COL6A2: variants seen among roughly 807,000 people sequenced by gnomAD.
The protein encoded by COL6A2 is collagen alpha-2(VI) chain.
In COL6A2, 90 loss-of-function variants were observed where a neutral mutation model predicts 124.9. The observed-to-expected ratio is 0.72, with a 90% CI of 0.61 to 0.86. COL6A2 has a LOEUF of 0.86. COL6A2 is among the 40% of genes least tolerant of loss of function. COL6A2 has a pLI of 0.00. For synonymous variants in COL6A2, 793 were observed against 618.2 expected (o/e 1.28, Z -4.19); for missense variants, 1,607 against 1,502.5 (o/e 1.07, Z -1.15).
Position 46,132,678 on chromosome 21 carries a change from C to A in COL6A2, c.*126C>A. Reference sequence around the variant, plus strand: ...ACGACGCCCTGGGCCTGCACCTCTCCAGCTCCTCCCACGGGGTCCCCGTAG... The same window carrying A: ...ACGACGCCCTGGGCCTGCACCTCTCAAGCTCCTCCCACGGGGTCCCCGTAG... On this transcript the variant is annotated 3_prime_UTR_variant, in exon 28 of 28. Coordinates refer to ENST00000300527, the MANE Select transcript of COL6A2 (RefSeq NM_001849.4). The A allele has an allele frequency of 1.0e-6, 1 of 988,324 alleles. No homozygotes were observed. Among genetic ancestry groups the A allele is most frequent in the Non-Finnish European group, 1.5e-6 (1 of 657,200 alleles). 61.2% of individuals were successfully genotyped at this position (988,324 alleles called of 1,614,324 possible). A position where few individuals can be genotyped will look rare whatever the true frequency, so the allele number is the denominator to read the frequency against.
chr21:46,122,213 G>A, intron 19 of COL6A2, 55 bp downstream of exon 19: 3 of 1,589,354 alleles, frequency 1.9e-6, no homozygotes, highest in Non-Finnish European at 2.6e-6. Context: ...TTGTCCCAAG[G>A]GCCCTGAAGA....
At position 46,132,070 on chromosome 21, in the gene COL6A2, G is replaced by A. The variant is rs1601267281; in HGVS notation, c.2578G>A (p.Ala860Thr). 1 of 1,604,418 alleles carries A rather than the reference G, an allele frequency of 6.2e-7. No homozygotes were observed. ...HKARRFVEQV[A>T]RRLTLARRDD... ...GGCCCGGCGCTTCGTGGAGCAGGTG[G>A]CGCGGCGGCTGACGCTGGCCCGGAG... Residue 860 changes from alanine to threonine, a missense_variant, in exon 28 of 28, where the codon GCG becomes ACG. Ala to Thr is a moderately conservative substitution (Grantham distance 58). Coordinates refer to ENST00000300527, the MANE Select transcript of COL6A2 (RefSeq NM_001849.4).
chr21:46,118,690 C>T lies in COL6A2; in HGVS notation c.1179+14C>T. On this transcript the variant is annotated intron_variant, in intron 13 of 27. Coordinates refer to ENST00000300527, the MANE Select transcript of COL6A2 (RefSeq NM_001849.4). ...AAGGGAAGCAAGGTGAGCCCCTCTG[C>T]CTCTTCGCCTGCAGCTGAGCTGGCC... 1 of 1,605,894 alleles carries T rather than the reference C, an allele frequency of 6.2e-7. No homozygotes were observed. Among genetic ancestry groups the T allele is most frequent in the Non-Finnish European group, 8.5e-7 (1 of 1,177,346 alleles).
At chr21:46,120,601 C>G in intron 16 of COL6A2, 24 bp downstream of exon 16, 1 of 1,450,090 alleles carries the variant, frequency 6.9e-7, no homozygotes. Flanking sequence ...GTGGGCCGCA[C>G]CCCAAGGTAG....
In COL6A2 at chr21:46,120,573, C is replaced by T; in HGVS notation, c.1391C>T (p.Ala464Val). ...GCTGGAGAGGTTGGCAACAAAGGAG[C>T]CAAGGTAGGGGAGCAGGGTGGGCCG... is the stretch of plus-strand genomic sequence containing the variant. ...GLAGEVGNKG[A>V]KGDRGLPGPR... Residue 464 changes from alanine to valine, a missense_variant, in exon 16 of 28, where the codon GCC becomes GTC. Around this residue, in one of 3 missense-constraint regions of COL6A2, gnomAD observed 1,223 missense variants for 1,052.2 expected, o/e 1.16. Transcript: ENST00000300527. 2 of 1,464,238 alleles carry T rather than the reference C, an allele frequency of 1.4e-6. No individual in the cohort carries two copies. Among genetic ancestry groups the T allele is most frequent in the Non-Finnish European group, 1.8e-6 (2 of 1,108,144 alleles). The allele number at this position is 1,464,238 out of a possible 1,614,324, so 90.7% of individuals were successfully genotyped here. A position where few individuals can be genotyped will look rare whatever the true frequency, so the allele number is the denominator to read the frequency against.
intron 27 of COL6A2, among the ~76,000 whole-genome samples, chr21:46,130,446 G>A (rs535376695): frequency 3.3e-5 from 5 of 152,322 alleles, no homozygotes; most frequent in Non-Finnish European, 5.9e-5. Context: ...GCCGGGCACG[G>A]CTGTGACCAT....
rs2078567433 is a variant in COL6A2 at position 46,121,608 on chromosome 21, C to T, written c.1511C>T (p.Pro504Leu). 1.2e-6 allele frequency: 2 copies of T among 1,612,756 alleles called. No homozygotes were observed. Among genetic ancestry groups the T allele is most frequent in the Non-Finnish European group, 1.7e-6 (2 of 1,179,932 alleles). ...DAGPRGDSGQ[P>L]GPKGDPGRPG... ...GGACCCCGTGGAGACTCAGGACAGCCAGGCCCCAAGGTACGTGCCCCTCCC... is the reference window on the plus strand; with the variant it reads ...GGACCCCGTGGAGACTCAGGACAGCTAGGCCCCAAGGTACGTGCCCCTCCC... The change falls in exon 18 of 28, where the codon CCA becomes CTA. Residue 504 changes from proline to leucine, a missense_variant. Coordinates refer to ENST00000300527, the MANE Select transcript of COL6A2 (RefSeq NM_001849.4).
chr21:46,104,190 C>T (rs1301542815), intron 1 of COL6A2, among the ~76,000 whole-genome samples: 3 of 152,046 alleles, frequency 2.0e-5, no homozygotes, highest in African/African-American at 7.2e-5. Flanking sequence ...ACAACAGAAA[C>T]TGTCACTGAA....
chr21:46,126,474 C>T, intron 26 of COL6A2, 29 bp from the exon 27 acceptor site: 1 of 1,612,268 alleles, frequency 6.2e-7, no homozygotes, highest in Non-Finnish European at 8.5e-7. Context: ...CTGACCCTGG[C>T]CTGGCCCGGC....
At chr21:46,107,310 C>G (rs1011038945) in intron 1 of COL6A2, among the ~76,000 whole-genome samples, 1 of 152,146 alleles carries the variant, frequency 6.6e-6, no homozygotes, top group Non-Finnish European at 1.5e-5. Context: ...TCATGCCCTA[C>G]AAACCATAAA....
In COL6A2 at chr21:46,125,870, G is replaced by A. The variant is rs752648726; in HGVS notation, c.2055G>A (p.Ser685=). The A allele has an allele frequency of 1.1e-5, 18 of 1,613,054 alleles. No homozygotes were observed. The highest frequency in any genetic ancestry group is 1.0e-4 in the Admixed American group (6 of 60,010). The change falls in exon 26 of 28, where the codon TCG becomes TCA. Residue 685 remains serine, a synonymous_variant. Transcript: ENST00000300527. ...ACGACGAACGTATCGACTCCCTGTC[G>A]AGCTTCAAGGAGGCTGTCAAGAACC... ...QLDDERIDSL[S]SFKEAVKNLE...
intron 24 of COL6A2, 63 bp from the exon 25 acceptor site, chr21:46,125,402 T>G (rs2078645513): frequency 3.1e-6 from 5 of 1,607,524 alleles, no homozygotes; most frequent in Non-Finnish European, 4.3e-6. Flanking sequence ...GTCCTGCATG[T>G]GCACGTGACC....
At chr21:46,122,413 C>A in intron 19 of COL6A2, 83 bp from the exon 20 acceptor site, 1 of 1,571,096 alleles carries the variant, frequency 6.4e-7, no homozygotes, top group Non-Finnish European at 8.8e-7. Flanking sequence ...GGGAGGGAAA[C>A]GGGGCTGCAG....
At chr21:46,125,395 C>T (rs773474343) in intron 24 of COL6A2, 70 bp from the exon 25 acceptor site, 49 of 1,607,106 alleles carry the variant, frequency 3.0e-5, no homozygotes, top group Admixed American at 5.0e-5. Context: ...TCGCTGGGTC[C>T]TGCATGTGCA....
At chr21:46,122,585 C>T (rs2078584161) in intron 20 of COL6A2, 54 bp downstream of exon 20, 2 of 1,588,672 alleles carry the variant, frequency 1.3e-6, no homozygotes. Flanking sequence ...TCTGCACGCC[C>T]AATTGCTGGG....
intron 4 of COL6A2, 47 bp from the exon 5 acceptor site, chr21:46,113,961 G>C: frequency 6.5e-7 from 1 of 1,527,704 alleles, no homozygotes; most frequent in Non-Finnish European, 9.1e-7. Flanking sequence ...TGCCACCTGA[G>C]GAATGTCCCA....
chr21:46,113,806 T>G (rs2078435851), intron 4 of COL6A2: 2 of 650,442 alleles, frequency 3.1e-6, no homozygotes, highest in Admixed American at 2.2e-5. Context: ...AGAGCCAAAC[T>G]CTTTGGCTTG....
rs565853419 is a variant in COL6A2 at position 46,108,750 on chromosome 21, A to G, written c.-27-2700A>G. ...TATAGTTCTGGTATAGTGGTCCTTA[A>G]TATGCTATTGGATTTTAGTTTTTAA... On this transcript the variant is annotated intron_variant, in intron 1 of 27. Transcript: ENST00000300527. Among the ~76,000 whole-genome samples, 44 of 152,296 alleles carry G rather than the reference A, an allele frequency of 2.9e-4. No homozygotes were observed. The East Asian group carries it at 7.5e-3, about 26-fold the overall frequency.
rs778236543 is a variant in COL6A2 at position 46,116,376 on chromosome 21, G to A, written c.901-1G>A. On this transcript the variant is annotated splice_acceptor_variant, in intron 7 of 27. Coordinates refer to ENST00000300527, the MANE Select transcript of COL6A2 (RefSeq NM_001849.4). LOFTEE classifies it high-confidence loss of function. This position sits in a 1 kb window ranked among gnomAD's most constrained non-coding sequence, Gnocchi z 4.6. Reference sequence around the variant, plus strand: ...ATGCCCCTCTCTCCTCCTGCCCCCAGGGCGTTCCTGGCTTCAAAGGAGAGA... The same window carrying A: ...ATGCCCCTCTCTCCTCCTGCCCCCAAGGCGTTCCTGGCTTCAAAGGAGAGA... 6.2e-7 allele frequency: 1 copy of A among 1,612,922 alleles called. No individual in the cohort carries two copies. The highest frequency in any genetic ancestry group is 8.5e-7 in the Non-Finnish European group (1 of 1,179,974).
Sources: gnomAD v4.1 joint callset for allele counts (sites outside exome capture counted in the v4.1 genomes callset) on GRCh38, gnomAD v4.1.1 for gene constraint, gnomAD v4.1.1 regional missense constraint, Gnocchi (gnomAD v3.1) non-coding constraint, MANE v1.5 for transcripts, NCBI Gene and HGNC (gene_info 2026-07-23, HGNC 2026-07-21) for gene names.